The following GLDN variants were observed in gnomAD, a reference collection of about 807,000 sequenced individuals.
GLDN encodes the protein collomin.
A neutral mutation model predicts 56.5 loss-of-function variants in GLDN; 47 were observed. That is an observed-to-expected ratio of 0.83 (90% CI 0.66 to 1.06). The LOEUF is 1.06. Among genes scored for constraint, GLDN ranks in the 50% least tolerant of loss-of-function variants. The pLI is 0.00. For missense variants in GLDN, 782 were observed against 714.3 expected (o/e 1.09, Z -1.08); for synonymous variants, 332 against 278.8 (o/e 1.19, Z -1.90).
intron 2 of GLDN, among the ~76,000 whole-genome samples, chr15:51,380,157 C>G (rs2037725800): frequency 6.6e-6 from 1 of 152,108 alleles, no homozygotes; most frequent in Non-Finnish European, 1.5e-5. Context: ...AGTTGGGACC[C>G]CACCAAGCCC....
At chr15:51,347,157 A>T (rs2036992615) in intron 1 of GLDN, among the ~76,000 whole-genome samples, 1 of 152,240 alleles carries the variant, frequency 6.6e-6, no homozygotes, top group South Asian at 2.1e-4. Flanking sequence ...CTAAAAGTTG[A>T]TTAAAAAAAT....
At chr15:51,377,255 A>G in intron 1 of GLDN, 194 bp from the exon 2 acceptor site, 2 of 567,104 alleles carry the variant, frequency 3.5e-6, no homozygotes, top group Non-Finnish European at 6.3e-6. Context: ...ATCTTATGAA[A>G]TCACCATTGT....
chr15:51,363,136 C>G (rs550148599), intron 1 of GLDN, among the ~76,000 whole-genome samples: 3 of 152,114 alleles, frequency 2.0e-5, no homozygotes, highest in Non-Finnish European at 2.9e-5. Context: ...GGGAAGATGT[C>G]ATCAAGAAGT....
Position 51,397,627 on chromosome 15 carries a change from C to A in GLDN, c.817+29C>A, listed in dbSNP as rs779226495. On this transcript the variant is annotated intron_variant, in intron 6 of 9. Coordinates refer to ENST00000335449, the MANE Select transcript of GLDN (RefSeq NM_181789.4). ...ACCACCTCTCCCCTACGGGGCCCAC[C>A]TCTTCTGTCAATTATTCCAAACTCT... 5.9e-6 allele frequency: 9 copies of A among 1,529,254 alleles called. No homozygotes were observed. The East Asian group carries it at 9.9e-5, about 17-fold the overall frequency. The allele number at this position is 1,529,254 out of a possible 1,614,324, so 94.7% of individuals were successfully genotyped here. A position where few individuals can be genotyped will look rare whatever the true frequency, so the allele number is the denominator to read the frequency against.
intron 1 of GLDN, among the ~76,000 whole-genome samples, chr15:51,356,648 G>A (rs567640238): frequency 8.5e-5 from 13 of 152,214 alleles, no homozygotes; most frequent in Admixed American, 8.5e-4. Flanking sequence ...GTTCACTTGT[G>A]GCTCCCCATC....
intron 1 of GLDN, among the ~76,000 whole-genome samples, chr15:51,370,493 A>G (rs1346362237): frequency 1.3e-5 from 2 of 152,340 alleles, no homozygotes; most frequent in Admixed American, 1.3e-4. Context: ...GTTCTAGTTC[A>G]TTCTGTTCAT....
chr15:51,395,872 T>G (rs907542062), intron 5 of GLDN, among the ~76,000 whole-genome samples: 8 of 151,926 alleles, frequency 5.3e-5, no homozygotes, highest in Admixed American at 5.2e-4. Flanking sequence ...TGGCAGAAGG[T>G]GAAGGGGGAG....
At chr15:51,399,751 G>A (rs1194176440) in intron 6 of GLDN, among the ~76,000 whole-genome samples, 1 of 152,112 alleles carries the variant, frequency 6.6e-6, no homozygotes, top group Admixed American at 6.5e-5. Flanking sequence ...CCATTCTCTG[G>A]GGCTGCTACT....
intron 1 of GLDN, chr15:51,351,216 GC>G: frequency 4.3e-6 from 1 of 233,536 alleles, no homozygotes; most frequent in Non-Finnish European, 8.8e-6. Context: ...TCACTATGTT[GC>G]CCACGGTGGA....
chr15:51,386,195 C>A (rs148534621), intron 4 of GLDN, among the ~76,000 whole-genome samples: 234 of 152,270 alleles, frequency 1.5e-3, no homozygotes, highest in Non-Finnish European at 2.6e-3. Flanking sequence ...CAGCATTAGA[C>A]CGCGAAGCCT....
intron 4 of GLDN, among the ~76,000 whole-genome samples, chr15:51,387,273 C>A (rs12899040): frequency 6.6e-6 from 1 of 152,030 alleles, no homozygotes; most frequent in African/African-American, 2.4e-5. Flanking sequence ...TGGGGAACTA[C>A]AAAAGACACA....
chr15:51,396,043 C>A (rs892475960), intron 5 of GLDN, among the ~76,000 whole-genome samples: 1 of 152,170 alleles, frequency 6.6e-6, no homozygotes, highest in South Asian at 2.1e-4. Flanking sequence ...GATCCAAACA[C>A]CTCCCACAGA....
rs776547684 is a variant in GLDN at position 51,341,822 on chromosome 15, G to C, written c.138G>C (p.Ser46=). 10 of 1,515,068 alleles carry C rather than the reference G, an allele frequency of 6.6e-6. No homozygotes were observed. The Admixed American group carries it at 8.2e-5, about 12-fold the overall frequency. The allele number at this position is 1,515,068 out of a possible 1,614,324, so 93.9% of individuals were successfully genotyped here. A position where few individuals can be genotyped will look rare whatever the true frequency, so the allele number is the denominator to read the frequency against. ...TGTGCCAGTGGCGCGGGCTGAGCTC[G>C]GCGCTGCGGGCTTTGGAGGCGCAGC... ...FALCQWRGLS[S]ALRALEAQRG... The change falls in exon 1 of 10, where the codon TCG becomes TCC. Residue 46 remains serine, a synonymous_variant. Transcript: ENST00000335449.
downstream of GLDN, among the ~76,000 whole-genome samples, chr15:51,412,088 C>T (rs1280616198): frequency 2.0e-5 from 3 of 152,204 alleles, no homozygotes; most frequent in Non-Finnish European, 4.4e-5. Context: ...ATGCTAAATG[C>T]TTCAAGTGTG....
In GLDN at chr15:51,397,605, A is replaced by C. The variant is rs1595838350; in HGVS notation, c.817+7A>C. 2 of 1,574,644 alleles carry C rather than the reference A, an allele frequency of 1.3e-6. No individual in the cohort carries two copies. The highest frequency in any genetic ancestry group is 1.7e-6 in the Non-Finnish European group (2 of 1,158,752). On this transcript the variant is annotated splice_region_variant and intron_variant, in intron 6 of 9. Transcript: ENST00000335449. ...TTCAACGGCCAGTGCCCAGGTCACC[A>C]CCTCTCCCCTACGGGGCCCACCTCT...
At chr15:51,355,347 T>C (rs56381769) in intron 1 of GLDN, among the ~76,000 whole-genome samples, 37,348 of 151,992 alleles carry the variant, frequency 0.25, 4,979 homozygotes, top group African/African-American at 0.32. Flanking sequence ...TAGAATAACT[T>C]CCAGCCATTG....
rs1263554514 is a variant in GLDN at position 51,387,931 on chromosome 15, AT to A, written c.541+4045del. On this transcript the variant is annotated intron_variant, in intron 4 of 9. Coordinates refer to ENST00000335449, the MANE Select transcript of GLDN (RefSeq NM_181789.4). ...GGGCATGAATACTTTTGTTAGCCAT[AT>A]TTTTTCCAGATGAAGATACTTCTCT... 3.3e-5 allele frequency among the ~76,000 whole-genome samples: 5 copies of A among 152,144 alleles called. No homozygotes were observed. In the East Asian group the frequency reaches 7.7e-4, roughly 24 times the overall value.
chr15:51,351,778 G>A (rs1488495014), intron 1 of GLDN, among the ~76,000 whole-genome samples: 1 of 152,150 alleles, frequency 6.6e-6, no homozygotes, highest in East Asian at 1.9e-4. Flanking sequence ...ATGTGGTGGT[G>A]GTAAGCAGTG....
At chr15:51,390,866 C>T (rs988198712) in intron 4 of GLDN, among the ~76,000 whole-genome samples, 1 of 152,156 alleles carries the variant, frequency 6.6e-6, no homozygotes, top group Non-Finnish European at 1.5e-5. Context: ...AACTCAAAGC[C>T]AGCCAGGGGT....
Sources: gnomAD v4.1 joint callset for allele counts (sites outside exome capture counted in the v4.1 genomes callset) on GRCh38, gnomAD v4.1.1 for gene constraint, MANE v1.5 for transcripts, NCBI Gene and HGNC (gene_info 2026-07-23, HGNC 2026-07-21) for gene names.